The following GFRAL variants were observed in gnomAD, a reference collection of about 807,000 sequenced individuals.
GFRAL encodes GDNF family receptor alpha-like.
Under a neutral mutation model 45.4 loss-of-function variants are expected in GFRAL, and 36 were observed. That is an observed-to-expected ratio of 0.79 (90% CI 0.61 to 1.05). The LOEUF (loss-of-function observed/expected upper bound fraction) is 1.05, where lower values mean the gene tolerates loss of function less well. Among genes scored for constraint, GFRAL ranks in the 50% least tolerant of loss-of-function variants. GFRAL has a pLI of 0.00. For synonymous variants in GFRAL, 166 were observed against 154.1 expected, an observed-to-expected ratio of 1.08 and a Z score of -0.57; for missense variants, 507 against 467.5, an observed-to-expected ratio of 1.08 and a Z score of -0.78.
chr6:55,328,798 A>G (rs1297777357), intron 1 of GFRAL, among the ~76,000 whole-genome samples: 1 of 152,020 alleles, frequency 6.6e-6, no homozygotes, highest in Non-Finnish European at 1.5e-5. Flanking sequence ...TGAAGGAGGG[A>G]AATAACTTCT....
intron 6 of GFRAL, among the ~76,000 whole-genome samples, chr6:55,389,737 T>A: frequency 6.6e-6 from 1 of 152,222 alleles, no homozygotes; most frequent in South Asian, 2.1e-4. Context: ...CTATTATCTA[T>A]GTTTACTAGT....
intron 6 of GFRAL, among the ~76,000 whole-genome samples, chr6:55,398,128 T>G (rs1312418418): frequency 6.6e-6 from 1 of 152,184 alleles, no homozygotes; most frequent in African/African-American, 2.4e-5. Flanking sequence ...TCAGTGCATA[T>G]CCCCATCATT....
chr6:55,345,037 A>G (rs1021483509), intron 3 of GFRAL, among the ~76,000 whole-genome samples: 3 of 152,212 alleles, frequency 2.0e-5, no homozygotes, highest in African/African-American at 7.2e-5. Flanking sequence ...GAACAGAATA[A>G]AAGAGGACAC....
At chr6:55,388,868 A>C (rs115402384) in intron 6 of GFRAL, among the ~76,000 whole-genome samples, 1 of 152,060 alleles carries the variant, frequency 6.6e-6, no homozygotes, top group Non-Finnish European at 1.5e-5. Context: ...TTTTTAAAGG[A>C]GTTTTCGTAA....
rs1178661447 is a variant in GFRAL, at chr6:55,402,177, G to C, written c.*324G>C. 5.3e-6 allele frequency: 1 copy of C among 188,470 alleles called. No individual in the cohort carries two copies. Among genetic ancestry groups the C allele is most frequent in the Non-Finnish European group, 1.1e-5 (1 of 92,442 alleles). 11.7% of individuals were successfully genotyped at this position (188,470 alleles called of 1,614,324 possible). A position where few individuals can be genotyped will look rare whatever the true frequency, so the allele number is the denominator to read the frequency against. ...GTATTTTTAGTAGAGATGGGGTTTT[G>C]CCAAATTGGCCAGGGTGGTCTCAAA... On this transcript the variant is annotated 3_prime_UTR_variant, in exon 9 of 9. Coordinates refer to ENST00000340465, the MANE Select transcript of GFRAL (RefSeq NM_207410.2).
chr6:55,360,205 T>C (rs1768254681), intron 6 of GFRAL, among the ~76,000 whole-genome samples: 1 of 151,856 alleles, frequency 6.6e-6, no homozygotes, highest in Admixed American at 6.6e-5. Flanking sequence ...CTATTATCCA[T>C]CTTCAGGGTT....
intron 1 of GFRAL, among the ~76,000 whole-genome samples, chr6:55,330,650 C>T (rs190298856): frequency 5.9e-5 from 9 of 152,012 alleles, no homozygotes; most frequent in Non-Finnish European, 1.0e-4. Context: ...ATTCGGGAAA[C>T]GATAAATGCT....
chr6:55,396,164 G>A (rs1368617095), intron 6 of GFRAL, among the ~76,000 whole-genome samples: 2 of 152,048 alleles, frequency 1.3e-5, no homozygotes, highest in East Asian at 1.9e-4. Context: ...ACTGATATTC[G>A]GTATCCTCCT....
At chr6:55,347,209 T>C (rs116107721) in intron 3 of GFRAL, among the ~76,000 whole-genome samples, 1,989 of 152,170 alleles carry the variant, frequency 0.013, 22 homozygotes, top group Non-Finnish European at 0.022. Context: ...AATAAAAAGA[T>C]GAAAGTTCTG....
chr6:55,362,297 C>T (rs1220485320), intron 6 of GFRAL, among the ~76,000 whole-genome samples: 5 of 150,364 alleles, frequency 3.3e-5, no homozygotes, highest in African/African-American at 1.2e-4. Context: ...ACAGCAACAA[C>T]AAAACAAAAC....
At chr6:55,351,694 C>A in intron 5 of GFRAL, 111 bp downstream of exon 5, 1 of 692,650 alleles carries the variant, frequency 1.4e-6, no homozygotes, top group Non-Finnish European at 2.3e-6. Context: ...CATCATCCAA[C>A]ATAGTGTAAA....
intron 5 of GFRAL, among the ~76,000 whole-genome samples, chr6:55,354,846 C>G (rs767360966): frequency 2.0e-5 from 3 of 151,916 alleles, no homozygotes; most frequent in Admixed American, 2.0e-4. Flanking sequence ...TTTCAATTCA[C>G]GATGGGCTTT....
At chr6:55,341,559 C>T (rs1767965633) in intron 3 of GFRAL, among the ~76,000 whole-genome samples, 1 of 152,028 alleles carries the variant, frequency 6.6e-6, no homozygotes, top group South Asian at 2.1e-4. Context: ...TAGATAAAAC[C>T]ACAAAGATGG....
chr6:55,348,507 C>T (rs568100065), intron 3 of GFRAL, among the ~76,000 whole-genome samples: 5 of 152,008 alleles, frequency 3.3e-5, no homozygotes, highest in Non-Finnish European at 5.9e-5. Context: ...TTCCCCAGTT[C>T]CGGATTACGA....
At chr6:55,396,771 T>C (rs116820176) in intron 6 of GFRAL, among the ~76,000 whole-genome samples, 6,518 of 152,116 alleles carry the variant, frequency 0.043, 198 homozygotes, top group African/African-American at 0.073. Context: ...ATAGTGAATA[T>C]AAAAGTAATT....
chr6:55,333,117 C>T (rs1320405893), intron 2 of GFRAL, among the ~76,000 whole-genome samples: 5 of 151,922 alleles, frequency 3.3e-5, no homozygotes, highest in African/African-American at 9.7e-5. Context: ...TAGTCTTTTG[C>T]AGTAAATTGC....
At chr6:55,354,043 A>G (rs9475253) in intron 5 of GFRAL, among the ~76,000 whole-genome samples, 2,665 of 152,130 alleles carry the variant, frequency 0.018, 71 homozygotes, top group African/African-American at 0.059. Flanking sequence ...TTATTCACAG[A>G]TGGGTACCCA....
rs190491157 is a variant in GFRAL at position 55,357,355 on chromosome 6, G to A, written c.702-1533G>A. On this transcript the variant is annotated intron_variant, in intron 5 of 8. Transcript: ENST00000340465. ...ATGTCTAGGTACTGCAGTGTTGGGT[G>A]CATATATATTTACAATTGTTATATC... is the stretch of plus-strand genomic sequence containing the variant. Among the ~76,000 whole-genome samples the A allele has an allele frequency of 1.6e-3, 241 of 151,884 alleles. 1 individual carries two copies. The highest frequency in any genetic ancestry group is 4.4e-5 in the Non-Finnish European group (3 of 67,842).
chr6:55,374,973 T>C (rs1384029297), intron 6 of GFRAL, among the ~76,000 whole-genome samples: 1 of 152,104 alleles, frequency 6.6e-6, no homozygotes, highest in Admixed American at 6.6e-5. Flanking sequence ...TTCTCTTCTG[T>C]GTATCTATGT....
Sources: allele counts gnomAD v4.1 joint callset (sites outside exome capture counted in the v4.1 genomes callset), GRCh38; gene constraint gnomAD v4.1.1; transcripts MANE v1.5; gene names NCBI Gene and HGNC (gene_info 2026-07-23, HGNC 2026-07-21).